IGSF10: variants seen among roughly 807,000 people sequenced by gnomAD.
IGSF10 encodes the protein calvaria mechanical force protein 608.
Under a neutral mutation model 128.2 loss-of-function variants are expected in IGSF10, and 126 were observed. The observed-to-expected ratio is 0.98, with a 90% confidence interval of 0.85 to 1.14. The LOEUF is 1.14. Among genes scored for constraint, IGSF10 ranks in the 50% most tolerant of loss-of-function variants. IGSF10 has a pLI of 0.00. For missense variants in IGSF10, 3,295 were observed against 3,149.8 expected, an observed-to-expected ratio of 1.05 and a Z score of -1.10; for synonymous variants, 1,185 against 1,146.2, an observed-to-expected ratio of 1.03 and a Z score of -0.68.
chr3:151,454,270 A>G (rs1721669741), intron 4 of IGSF10, among the ~76,000 whole-genome samples: 1 of 152,152 alleles, frequency 6.6e-6, no homozygotes, highest in African/African-American at 2.4e-5. Flanking sequence ...CGCCCACCTC[A>G]GCCTCCCAAA....
At chr3:151,505,128 G>A in the IGSF10 span, among the ~76,000 whole-genome samples, 29 of 152,186 alleles carry the variant, frequency 1.9e-4, no homozygotes, top group African/African-American at 6.7e-4. Context: ...TTATTAGTTC[G>A]TTCTCATGCT....
the IGSF10 span, chr3:151,476,257 ATCCCTTGACGATTCC>A: frequency 1.3e-5 from 2 of 152,188 alleles, no homozygotes; most frequent in African/African-American, 4.8e-5. Flanking sequence ...ACCAATTTTC[ATCCCTTGACGATTCC>A]TCACTGTAAG....
chr3:151,606,053 G>C, the IGSF10 span, among the ~76,000 whole-genome samples: 1 of 152,098 alleles, frequency 6.6e-6, no homozygotes, highest in Non-Finnish European at 1.5e-5. Context: ...AATTTCACTG[G>C]GTGACATTTC....
At chr3:151,439,766 C>T (rs1720726878) in intron 7 of IGSF10, among the ~76,000 whole-genome samples, 1 of 152,206 alleles carries the variant, frequency 6.6e-6, no homozygotes, top group African/African-American at 2.4e-5. Flanking sequence ...TGTACAGTGG[C>T]TGCACAGCCT....
Position 151,446,474 on chromosome 3 carries a change from A to T in IGSF10, c.3507T>A (p.Asn1169Lys). Residue 1169 changes from asparagine (N) to lysine (K), a missense_variant, in exon 6 of 8, where the codon AAT becomes AAA. By Grantham distance (94) the Asn-to-Lys change is moderately conservative. Transcript: ENST00000282466. ...TAATCACTGAATCTCTTTTAGCTTC[A>T]TTGGTGCTAGACACACGTGGGTAAC... The part of the protein sequence containing the change: ...NASYPRVSST[N>K]EAKRDSVITS... 6.2e-7 allele frequency: 1 copy of T among 1,614,198 alleles called. No homozygotes were observed. The highest frequency in any genetic ancestry group is 8.5e-7 in the Non-Finnish European group (1 of 1,180,038).
At chr3:151,457,324 G>A (rs1228835996) in intron 3 of IGSF10, among the ~76,000 whole-genome samples, 169 bp from the exon 4 acceptor site, 3 of 152,108 alleles carry the variant, frequency 2.0e-5, no homozygotes, top group African/African-American at 7.2e-5. Flanking sequence ...ACAGAAGGTC[G>A]GCTCTCTACC....
At chr3:151,456,726 C>G (rs1343510494) in intron 4 of IGSF10, among the ~76,000 whole-genome samples, 1 of 152,100 alleles carries the variant, frequency 6.6e-6, no homozygotes, top group Non-Finnish European at 1.5e-5. Flanking sequence ...CATTCAATTC[C>G]CAGATAAACA....
chr3:151,618,418 C>A, the IGSF10 span, among the ~76,000 whole-genome samples: 1 of 152,142 alleles, frequency 6.6e-6, no homozygotes, highest in Non-Finnish European at 1.5e-5. Context: ...TAGTAATGGA[C>A]ATAAAGAAGT....
Position 151,445,853 on chromosome 3 carries a change from A to G in IGSF10, c.4128T>C (p.Pro1376=), listed in dbSNP as rs760616447. The G allele has an allele frequency of 6.2e-6, 10 of 1,614,182 alleles. No individual in the cohort carries two copies. The highest frequency in any genetic ancestry group is 8.5e-6 in the Non-Finnish European group (10 of 1,180,034). The change falls in exon 6 of 8, where the codon CCT becomes CCC. Residue 1376 remains proline (P), a synonymous_variant. Coordinates refer to ENST00000282466, the MANE Select transcript of IGSF10 (RefSeq NM_178822.5). ...AAGTTTCGGCTGTGGTTAGAACAGGAGGTGTCATAGCAGTGGGTGTAGTGA... is the reference window on the plus strand; with the variant it reads ...AAGTTTCGGCTGTGGTTAGAACAGGGGGTGTCATAGCAGTGGGTGTAGTGA... ...SGFTTPTAMT[P]PVLTTAETSV...
At chr3:151,506,743 T>G in the IGSF10 span, among the ~76,000 whole-genome samples, 301 of 152,264 alleles carry the variant, frequency 2.0e-3, 2 homozygotes, top group East Asian at 0.015. Context: ...AGTTGTCCCT[T>G]TAGAAATGTA....
chr3:151,440,413 T>G (rs916279915), intron 7 of IGSF10, among the ~76,000 whole-genome samples: 1 of 151,988 alleles, frequency 6.6e-6, no homozygotes, highest in Non-Finnish European at 1.5e-5. Context: ...TTTCCCCAAG[T>G]ATGGAAGGAA....
chr3:151,570,436 G>A, the IGSF10 span, among the ~76,000 whole-genome samples: 2 of 152,316 alleles, frequency 1.3e-5, no homozygotes, highest in African/African-American at 2.4e-5. Context: ...TCTAACCGGT[G>A]TGAGATGGTA....
In IGSF10 at chr3:151,437,183, G is replaced by T; in HGVS notation, c.7378C>A (p.Pro2460Thr). ...ATAGTCCATTTGATATTTGGCTTAG[G>T]GATTCCATCAGACACACAATGCAGT... is the stretch of plus-strand genomic sequence containing the variant. Reference protein sequence around the residue: ...LSLHCVSDGIPKPNIKWTMPS... With the variant: ...LSLHCVSDGITKPNIKWTMPS... The change falls in exon 8 of 8, where the codon CCT becomes ACT. Residue 2460 changes from proline (P) to threonine (T), a missense_variant. Pro to Thr is a conservative substitution (Grantham distance 38). Transcript: ENST00000282466. 2 of 1,614,116 alleles carry T rather than the reference G, an allele frequency of 1.2e-6. No homozygotes were observed. The highest frequency in any genetic ancestry group is 2.2e-5 in the South Asian group (2 of 91,074).
At chr3:151,547,755 A>G in the IGSF10 span, among the ~76,000 whole-genome samples, 6 of 152,150 alleles carry the variant, frequency 3.9e-5, no homozygotes, top group Admixed American at 1.3e-4. Flanking sequence ...TGCATGGGAG[A>G]CAAATGCTCC....
chr3:151,472,183 G>C, the IGSF10 span, among the ~76,000 whole-genome samples: 1 of 152,108 alleles, frequency 6.6e-6, no homozygotes, highest in Non-Finnish European at 1.5e-5. Context: ...AACAATCAAA[G>C]TTTCAGGTAA....
the IGSF10 span, among the ~76,000 whole-genome samples, chr3:151,488,065 T>C: frequency 6.6e-6 from 1 of 152,126 alleles, no homozygotes; most frequent in Non-Finnish European, 1.5e-5. Flanking sequence ...GACATGATCT[T>C]ATATTTAGAA....
chr3:151,446,568 G>A lies in IGSF10; in HGVS notation c.3413C>T (p.Pro1138Leu), dbSNP rs756945019. ...YFRTEISQVT[P>L]TGAVMTYAPT... ...AGCATATGTCATGACTGCACCAGTT[G>A]GAGTCACTTGGGAAATTTCAGTCCT... The change falls in exon 6 of 8, where the codon CCA becomes CTA. Residue 1138 changes from proline (P) to leucine (L), a missense_variant. Coordinates refer to ENST00000282466, the MANE Select transcript of IGSF10 (RefSeq NM_178822.5). 8 of 1,613,880 alleles carry A rather than the reference G, an allele frequency of 5.0e-6. No individual in the cohort carries two copies. The highest frequency in any genetic ancestry group is 1.3e-5 in the African/African-American group (1 of 74,920).
chr3:151,576,777 A>G, the IGSF10 span, among the ~76,000 whole-genome samples: 84 of 152,250 alleles, frequency 5.5e-4, no homozygotes, highest in Admixed American at 4.3e-3. Flanking sequence ...GTTACCCTAT[A>G]TGGTCTAAAA....
the IGSF10 span, among the ~76,000 whole-genome samples, chr3:151,564,390 G>A: frequency 1.4e-4 from 21 of 152,026 alleles, no homozygotes; most frequent in Non-Finnish European, 2.9e-4. Context: ...GTTTTGGCCA[G>A]CATGACGTTT....
Sources: gnomAD v4.1 joint callset for allele counts (sites outside exome capture counted in the v4.1 genomes callset) on GRCh38, gnomAD v4.1.1 for gene constraint, MANE v1.5 for transcripts, NCBI Gene and HGNC (gene_info 2026-07-23, HGNC 2026-07-21) for gene names.